Variants in SIN3A observed in about 807,000 individuals in gnomAD.
SIN3A encodes SIN3 transcription regulator family member A.
Under a neutral mutation model 146.1 loss-of-function variants are expected in SIN3A, and 14 were observed. The observed-to-expected ratio is 0.10, with a 90% CI of 0.06 to 0.15. SIN3A has a LOEUF of 0.15. Ranked by LOEUF, SIN3A falls within the 10% of genes least tolerant of loss-of-function variation. SIN3A has a pLI of 1.00. For synonymous variants in SIN3A, 572 were observed against 572.0 expected (o/e 1.00, Z 0.00); for missense variants, 1,028 against 1,576.0 (o/e 0.65, Z 5.89).
At chr15:75,415,652 G>C (rs1035937039) in intron 3 of SIN3A, 1 of 159,244 alleles carries the variant, frequency 6.3e-6, no homozygotes, top group Non-Finnish European at 1.4e-5. Context: ...AGGAGTTCGA[G>C]ACCAGCCTGA....
chr15:75,407,576 T>C (rs1389653328), intron 8 of SIN3A, among the ~76,000 whole-genome samples: 1 of 152,054 alleles, frequency 6.6e-6, no homozygotes, highest in Non-Finnish European at 1.5e-5. Flanking sequence ...CCCTGAATAA[T>C]ATTTCAATTA....
intron 3 of SIN3A, chr15:75,421,661 G>C (rs1486226109): frequency 1.3e-5 from 2 of 152,212 alleles, no homozygotes; most frequent in Non-Finnish European, 2.9e-5. Context: ...GTGCCTGCAA[G>C]CAACATAAGT....
At chr15:75,406,699 T>C (rs1194935610) in intron 9 of SIN3A, among the ~76,000 whole-genome samples, 1 of 151,878 alleles carries the variant, frequency 6.6e-6, no homozygotes, top group Non-Finnish European at 1.5e-5. Flanking sequence ...AAAAAAAAGA[T>C]TACAAGTCAT....
intron 1 of SIN3A, among the ~76,000 whole-genome samples, chr15:75,439,391 A>AT (rs1778234047): frequency 6.6e-6 from 1 of 150,944 alleles, no homozygotes; most frequent in Admixed American, 6.6e-5. Flanking sequence ...CCCAGGCTGG[A>AT]GCGCAGTGGC....
intron 6 of SIN3A, among the ~76,000 whole-genome samples, chr15:75,411,177 A>G (rs2073631532): frequency 6.6e-6 from 1 of 152,008 alleles, no homozygotes; most frequent in Non-Finnish European, 1.5e-5. Flanking sequence ...CAATACAAAA[A>G]ATTAGCTGGG....
chr15:75,389,878 G>C, intron 15 of SIN3A, 57 bp from the exon 16 acceptor site: 4 of 1,564,252 alleles, frequency 2.6e-6, no homozygotes, highest in Non-Finnish European at 3.5e-6. Flanking sequence ...ACTAGGGATA[G>C]AGTACAGGGC....
chr15:75,374,292 G>A (rs1244645975), intron 20 of SIN3A, among the ~76,000 whole-genome samples: 3 of 152,138 alleles, frequency 2.0e-5, no homozygotes, highest in East Asian at 3.9e-4. Flanking sequence ...GGTCAGGTTC[G>A]AGACCAGCCT....
At chr15:75,426,082 A>C (rs1452056819) in intron 2 of SIN3A, among the ~76,000 whole-genome samples, 1 of 152,270 alleles carries the variant, frequency 6.6e-6, no homozygotes, top group African/African-American at 2.4e-5. Flanking sequence ...ACAGGCTTTC[A>C]CTAGACTGAC....
Position 75,433,331 on chromosome 15 carries a change from G to T in SIN3A, c.-33-2923C>A, listed in dbSNP as rs182041635. Among the ~76,000 whole-genome samples, 28 of 152,206 alleles carry T rather than the reference G, an allele frequency of 1.8e-4. 1 individual carries two copies. The highest frequency in any genetic ancestry group is 3.4e-3 in the Middle Eastern group (1 of 292). The stretch of plus-strand genomic sequence containing the variant: ...TGCTGGTTTATGAACCAGTCTATAA[G>T]GAAAAAGAAGATTGTAGTGAGCTTT... On this transcript the variant is annotated intron_variant, in intron 1 of 20. Transcript: ENST00000394947.
chr15:75,425,070 T>C (rs563699935), intron 2 of SIN3A, among the ~76,000 whole-genome samples: 2 of 152,324 alleles, frequency 1.3e-5, no homozygotes, highest in Admixed American at 1.3e-4. Flanking sequence ...AAAAGCACAT[T>C]ACAAAGCAGT....
chr15:75,435,168 T>C (rs1017931633), intron 1 of SIN3A, among the ~76,000 whole-genome samples: 8 of 151,936 alleles, frequency 5.3e-5, no homozygotes, highest in Non-Finnish European at 1.0e-4. Flanking sequence ...TCCACGAGTA[T>C]AAGAAATGAA....
chr15:75,385,893 A>C (rs2073066817), intron 16 of SIN3A, among the ~76,000 whole-genome samples: 1 of 152,256 alleles, frequency 6.6e-6, no homozygotes, highest in Admixed American at 6.5e-5. Flanking sequence ...TGATACAACC[A>C]TTAAAATAAT....
chr15:75,384,974 A>T (rs928186860), intron 16 of SIN3A, among the ~76,000 whole-genome samples: 1 of 152,066 alleles, frequency 6.6e-6, no homozygotes, highest in Non-Finnish European at 1.5e-5. Flanking sequence ...AGGTGTTCAA[A>T]ACCAGCCTGG....
intron 5 of SIN3A, 124 bp from the exon 6 acceptor site, chr15:75,411,867 T>C (rs2073646706): frequency 1.0e-6 from 1 of 1,001,584 alleles, no homozygotes; most frequent in Non-Finnish European, 1.4e-6. Context: ...GGCCAGGTCA[T>C]TTTAGTCCAA....
chr15:75,386,285 C>T (rs2073076075), intron 16 of SIN3A, among the ~76,000 whole-genome samples: 1 of 152,248 alleles, frequency 6.6e-6, no homozygotes, highest in Non-Finnish European at 1.5e-5. Flanking sequence ...GCCTTGGCCT[C>T]CCAAACTGCT....
At chr15:75,441,441 G>A (rs1595928709) in intron 1 of SIN3A, among the ~76,000 whole-genome samples, 1 of 152,120 alleles carries the variant, frequency 6.6e-6, no homozygotes, top group East Asian at 1.9e-4. Flanking sequence ...AAGTAGCTGG[G>A]ACTACAGAGT....
chr15:75,381,086 T>TAAAAAAAAAAAA (rs11342034), intron 18 of SIN3A: 1 of 111,360 alleles, frequency 9.0e-6, no homozygotes, highest in Non-Finnish European at 1.8e-5. Flanking sequence ...TGACATCGCT[T>TAAAAAAAAAAAA]AAAAAAAAAA....
Position 75,413,065 on chromosome 15 carries a change from A to G in SIN3A, c.474-20T>C. ...TCGATGCTGATAAAAAACAAAAAGAAAAGTGATAAACTGTAAGCTTAACAA... is the reference window on the plus strand; with the variant it reads ...TCGATGCTGATAAAAAACAAAAAGAGAAGTGATAAACTGTAAGCTTAACAA... On this transcript the variant is annotated intron_variant, in intron 4 of 20. Transcript: ENST00000394947. The G allele has an allele frequency of 6.3e-7, 1 of 1,585,098 alleles. No homozygotes were observed. The highest frequency in any genetic ancestry group is 8.5e-7 in the Non-Finnish European group (1 of 1,171,462).
chr15:75,409,562 TAA>T (rs76626567), intron 8 of SIN3A, among the ~76,000 whole-genome samples: 34 of 131,806 alleles, frequency 2.6e-4, no homozygotes, highest in Admixed American at 2.3e-4. Context: ...CCGTCTCCAC[TAA>T]AAAAAAAAAA....
Sources: gnomAD v4.1 joint callset for allele counts (sites outside exome capture counted in the v4.1 genomes callset) on GRCh38, gnomAD v4.1.1 for gene constraint, MANE v1.5 for transcripts, NCBI Gene and HGNC (gene_info 2026-07-23, HGNC 2026-07-21) for gene names.